SLC2A12: variants seen among roughly 807,000 people sequenced by gnomAD.
The protein encoded by SLC2A12 is solute carrier family 2 member 12.
SLC2A12 carries 23 observed loss-of-function variants against 41.8 expected under a neutral mutation model. The observed-to-expected ratio is 0.55, with a 90% CI of 0.40 to 0.78. The LOEUF is 0.78. Ranked by LOEUF, SLC2A12 falls within the 30% of genes least tolerant of loss-of-function variation. The probability of loss-of-function intolerance (pLI) is 0.00; values close to 1 mark genes in which losing one functional copy is unlikely to be tolerated. For synonymous variants in SLC2A12, 295 were observed against 285.9 expected, an observed-to-expected ratio of 1.03 and a Z score of -0.32; for missense variants, 654 against 745.6, an observed-to-expected ratio of 0.88 and a Z score of 1.43.
chr6:134,039,227 A>T (rs1386390258), intron 1 of SLC2A12, among the ~76,000 whole-genome samples: 1 of 152,148 alleles, frequency 6.6e-6, no homozygotes, highest in Non-Finnish European at 1.5e-5. Flanking sequence ...TCCTAGAAGA[A>T]CTTCTCATAT....
At chr6:134,042,191 T>G (rs1777390815) in intron 1 of SLC2A12, among the ~76,000 whole-genome samples, 1 of 152,222 alleles carries the variant, frequency 6.6e-6, no homozygotes, top group Admixed American at 6.5e-5. Context: ...GTTTTTATAT[T>G]TTAAAAGGAG....
chr6:134,020,042 AG>A (rs1554207030), intron 2 of SLC2A12, among the ~76,000 whole-genome samples: 4,993 of 150,360 alleles, frequency 0.033, 248 homozygotes, highest in African/African-American at 0.11. Context: ...AAAAAAAAAA[AG>A]TATGTAAGAT....
intron 3 of SLC2A12, among the ~76,000 whole-genome samples, chr6:134,002,374 T>A (rs1420693087): frequency 6.6e-6 from 1 of 152,160 alleles, no homozygotes; most frequent in Non-Finnish European, 1.5e-5. Flanking sequence ...ACACCCAATG[T>A]CATCTTCTTG....
rs1313976639 is a variant in SLC2A12, at chr6:133,989,544, C to CA, written c.*1610dup. ...CACACTTCCCTTCTCTTTCCAAAAA[C>CA]AAAAAACAATGCATGCTCTGATTTG... On this transcript the variant is annotated 3_prime_UTR_variant, in exon 5 of 5. Coordinates refer to ENST00000275230, the MANE Select transcript of SLC2A12 (RefSeq NM_145176.3). The CA allele has an allele frequency of 6.6e-6, 1 of 152,132 alleles. No individual in the cohort carries two copies. The highest frequency in any genetic ancestry group is 1.9e-4 in the East Asian group (1 of 5,176). 9.4% of individuals were successfully genotyped at this position (152,132 alleles called of 1,614,324 possible).
intron 4 of SLC2A12, among the ~76,000 whole-genome samples, chr6:133,994,494 G>A (rs10872420): frequency 6.6e-6 from 1 of 151,878 alleles, no homozygotes; most frequent in Non-Finnish European, 1.5e-5. Context: ...TTAGGAGGCC[G>A]AGGTGGGTGG....
At chr6:134,034,040 G>A (rs1376518403) in intron 1 of SLC2A12, among the ~76,000 whole-genome samples, 2 of 152,092 alleles carry the variant, frequency 1.3e-5, no homozygotes, top group South Asian at 2.1e-4. Context: ...GTTTGTCAAC[G>A]TTCCCCTTGA....
chr6:134,008,550 G>C (rs924797470), intron 2 of SLC2A12, among the ~76,000 whole-genome samples: 2 of 152,118 alleles, frequency 1.3e-5, no homozygotes, highest in Admixed American at 1.3e-4. Flanking sequence ...ACCTTCACTA[G>C]ATTCTTGCAG....
chr6:134,016,923 A>T (rs1269419155), intron 2 of SLC2A12, among the ~76,000 whole-genome samples: 1 of 152,176 alleles, frequency 6.6e-6, no homozygotes, highest in Non-Finnish European at 1.5e-5. Context: ...TCCCTCCCAA[A>T]TTCCAGGTTT....
At chr6:134,028,295 C>T in intron 2 of SLC2A12, 86 bp downstream of exon 2, 1 of 1,483,454 alleles carries the variant, frequency 6.7e-7, no homozygotes, top group Non-Finnish European at 9.0e-7. Flanking sequence ...CCTTGTCTTC[C>T]TTCTAGCACT....
rs1450764603 is a variant in SLC2A12 at position 134,044,744 on chromosome 6, C to A, written c.103+7634G>T. The stretch of plus-strand genomic sequence containing the variant: ...AAAAAAAAAAAAAAAAGAATAATGT[C>A]TTAGATACATTTTTTTTTAACCCTG... On this transcript the variant is annotated intron_variant, in intron 1 of 4. Coordinates refer to ENST00000275230, the MANE Select transcript of SLC2A12 (RefSeq NM_145176.3). 2.9e-5 allele frequency among the ~76,000 whole-genome samples: 4 copies of A among 139,824 alleles called. No homozygotes were observed. In the Admixed American group the frequency reaches 2.9e-4, roughly 10 times the overall value. The allele number at this position is 139,824 out of a possible 152,430, so 91.7% of individuals were successfully genotyped here. A position where few individuals can be genotyped will look rare whatever the true frequency, so the allele number is the denominator to read the frequency against.
rs200249148 is a variant in SLC2A12 at position 133,987,648 on chromosome 6, G to GTGTGTGTATATATA, written c.*3506_*3507insTATATATACACACA. Reference sequence around the variant, plus strand: ...TTTGTGTGTGTGTGTGTGTGTGTGTGTATATATATATATATATATGCACCA... The same window carrying GTGTGTGTATATATA: ...TTTGTGTGTGTGTGTGTGTGTGTGTGTGTGTGTATATATATATATATATATATATATATGCACCA... On this transcript the variant is annotated 3_prime_UTR_variant, in exon 5 of 5. Transcript: ENST00000275230. 2 of 88,320 alleles carry GTGTGTGTATATATA rather than the reference G, an allele frequency of 2.3e-5. No homozygotes were observed. Among genetic ancestry groups the GTGTGTGTATATATA allele is most frequent in the African/African-American group, 3.6e-5 (1 of 27,502 alleles). The allele number at this position is 88,320 out of a possible 1,614,324, so 5.5% of individuals were successfully genotyped here.
At chr6:134,040,203 C>T (rs1006653965) in intron 1 of SLC2A12, among the ~76,000 whole-genome samples, 1 of 151,872 alleles carries the variant, frequency 6.6e-6, no homozygotes, top group African/African-American at 2.4e-5. Context: ...CTCAGCCTTC[C>T]GAGTAGCTGG....
At chr6:133,993,803 C>T (rs1451910812) in intron 4 of SLC2A12, among the ~76,000 whole-genome samples, 3 of 152,144 alleles carry the variant, frequency 2.0e-5, no homozygotes, top group African/African-American at 4.8e-5. Flanking sequence ...ACAAGTGCCA[C>T]GATCTGGAGC....
intron 4 of SLC2A12, among the ~76,000 whole-genome samples, chr6:133,993,814 C>A (rs1473783606): frequency 1.3e-5 from 2 of 152,134 alleles, no homozygotes; most frequent in East Asian, 3.9e-4. Context: ...GATCTGGAGC[C>A]TTGAGCATGC....
chr6:134,043,704 A>G (rs1428263780), intron 1 of SLC2A12, among the ~76,000 whole-genome samples: 2 of 151,096 alleles, frequency 1.3e-5, no homozygotes, highest in African/African-American at 4.9e-5. Context: ...AGGCAGAAGA[A>G]TCGCTTGAAC....
intron 4 of SLC2A12, among the ~76,000 whole-genome samples, chr6:133,997,311 C>A (rs935464563): frequency 9.2e-5 from 14 of 152,044 alleles, no homozygotes; most frequent in Admixed American, 2.0e-4. Flanking sequence ...TGAGTATATA[C>A]CCAAAGGAAA....
intron 3 of SLC2A12, among the ~76,000 whole-genome samples, chr6:134,003,140 A>G (rs1776773028): frequency 6.6e-6 from 1 of 152,256 alleles, no homozygotes; most frequent in Non-Finnish European, 1.5e-5. Flanking sequence ...GTGTTTGTAA[A>G]TGCAGCATGA....
intron 4 of SLC2A12, among the ~76,000 whole-genome samples, chr6:133,992,433 C>T (rs1490070110): frequency 2.0e-5 from 3 of 152,064 alleles, no homozygotes; most frequent in Admixed American, 6.6e-5. Context: ...TAATCATCTT[C>T]GAAAGTAGGA....
intron 4 of SLC2A12, among the ~76,000 whole-genome samples, chr6:133,996,017 G>A (rs888530773): frequency 2.0e-5 from 3 of 152,102 alleles, no homozygotes; most frequent in African/African-American, 4.8e-5. Flanking sequence ...TCTCAGATCC[G>A]CCCAGTTGAA....
Sources: gnomAD v4.1 joint callset for allele counts (sites outside exome capture counted in the v4.1 genomes callset) on GRCh38, gnomAD v4.1.1 for gene constraint, MANE v1.5 for transcripts, NCBI Gene and HGNC (gene_info 2026-07-23, HGNC 2026-07-21) for gene names.